Variants in SLIT1 observed in about 807,000 individuals in gnomAD.
SLIT1 encodes the protein slit homolog 1 protein.
A neutral mutation model predicts 186.1 loss-of-function variants in SLIT1; 66 were observed. The ratio of observed to expected loss-of-function variants is 0.35; its 90% CI spans 0.29 to 0.44. SLIT1 has a LOEUF of 0.44. Ranked by LOEUF, SLIT1 falls within the 20% of genes least tolerant of loss-of-function variation. SLIT1 has a pLI of 1.00. For synonymous variants in SLIT1, 761 were observed against 833.8 expected (o/e 0.91, Z 1.50); for missense variants, 1,638 against 2,037.4 (o/e 0.80, Z 3.77).
intron 25 of SLIT1, among the ~76,000 whole-genome samples, chr10:97,029,887 C>T (rs1232467574): frequency 3.9e-5 from 6 of 152,188 alleles, no homozygotes; most frequent in African/African-American, 9.7e-5. Context: ...ATACAATATT[C>T]GTCCTCTTGT....
chr10:97,125,565 G>C (rs113254050), intron 4 of SLIT1, among the ~76,000 whole-genome samples: 8 of 150,702 alleles, frequency 5.3e-5, no homozygotes, highest in African/African-American at 2.0e-4. Context: ...TAGGCCGGGC[G>C]CAGTGGCTCA....
chr10:97,082,321 A>G (rs1473034296), intron 4 of SLIT1, among the ~76,000 whole-genome samples: 1 of 152,188 alleles, frequency 6.6e-6, no homozygotes. Context: ...GGTGGTGGTG[A>G]TGATAGTGGT....
intron 4 of SLIT1, among the ~76,000 whole-genome samples, chr10:97,133,016 C>T (rs1436719836): frequency 6.6e-6 from 1 of 152,136 alleles, no homozygotes; most frequent in Non-Finnish European, 1.5e-5. Context: ...GCTAACGTCC[C>T]CCAGTCATAA....
chr10:97,134,491 C>G (rs895194296), intron 4 of SLIT1, among the ~76,000 whole-genome samples: 1 of 152,114 alleles, frequency 6.6e-6, no homozygotes, highest in Non-Finnish European at 1.5e-5. Flanking sequence ...TTATGCCGGC[C>G]GAGTCTCCAT....
intron 4 of SLIT1, among the ~76,000 whole-genome samples, chr10:97,141,455 T>TC (rs1849756929): frequency 6.6e-6 from 1 of 152,028 alleles, no homozygotes; most frequent in African/African-American, 2.4e-5. Flanking sequence ...TTAGCCACCC[T>TC]CCTCCAAGCA....
chr10:97,141,671 T>TGTATTGTATCGTATC (rs1317197275), intron 4 of SLIT1, among the ~76,000 whole-genome samples: 2 of 134,980 alleles, frequency 1.5e-5, no homozygotes, highest in South Asian at 5.1e-4. Context: ...TGCATTGCAT[T>TGTATTGTATCGTATC]GTATCGTATT....
intron 23 of SLIT1, 106 bp from the exon 24 acceptor site, chr10:97,031,783 G>T: frequency 1.2e-6 from 1 of 865,918 alleles, no homozygotes; most frequent in South Asian, 1.7e-5. Context: ...CAGCCTCCTC[G>T]GGCTCTGTGA....
At chr10:97,046,905 G>T in intron 17 of SLIT1, 86 bp downstream of exon 17, 4 of 1,566,646 alleles carry the variant, frequency 2.6e-6, no homozygotes, top group South Asian at 2.3e-5. Flanking sequence ...GCCCCCCGCC[G>T]TGGGAGCTGC....
At chr10:97,082,364 C>T (rs1210111250) in intron 4 of SLIT1, among the ~76,000 whole-genome samples, 1 of 152,114 alleles carries the variant, frequency 6.6e-6, no homozygotes, top group Non-Finnish European at 1.5e-5. Context: ...TTACTATGTG[C>T]CTGGCACTGT....
At chr10:97,060,023 G>A in intron 10 of SLIT1, 64 bp downstream of exon 10, 3 of 1,401,500 alleles carry the variant, frequency 2.1e-6, no homozygotes, top group South Asian at 2.3e-5. Flanking sequence ...CCAGGGCTGT[G>A]GGACCACCCA....
chr10:97,167,246 C>A (rs554454023), intron 1 of SLIT1, among the ~76,000 whole-genome samples: 3 of 152,302 alleles, frequency 2.0e-5, no homozygotes, highest in East Asian at 3.9e-4. Flanking sequence ...CCCGAAACAG[C>A]CACTCTGAGC....
chr10:97,110,713 C>A (rs1314305022), intron 4 of SLIT1, among the ~76,000 whole-genome samples: 2 of 152,100 alleles, frequency 1.3e-5, no homozygotes, highest in Non-Finnish European at 2.9e-5. Flanking sequence ...GAGAGGTTCC[C>A]TCTGGAGCTG....
chr10:97,140,372 T>G (rs1405957345), intron 4 of SLIT1, among the ~76,000 whole-genome samples: 1 of 152,130 alleles, frequency 6.6e-6, no homozygotes, highest in East Asian at 1.9e-4. Context: ...CTTCGAATTG[T>G]GAAATATTTC....
intron 13 of SLIT1, among the ~76,000 whole-genome samples, chr10:97,051,420 C>A (rs1330776935): frequency 6.6e-6 from 1 of 152,130 alleles, no homozygotes; most frequent in Non-Finnish European, 1.5e-5. Context: ...TAATACACCA[C>A]TGGTGGGAAT....
chr10:97,060,904 G>T, intron 8 of SLIT1, 117 bp from the exon 9 acceptor site: 1 of 1,089,906 alleles, frequency 9.2e-7, no homozygotes, highest in Non-Finnish European at 1.3e-6. Context: ...CGATAAGGAT[G>T]AACCAGAGGG....
chr10:97,154,120 G>A (rs980791675), intron 4 of SLIT1: 2 of 152,242 alleles, frequency 1.3e-5, no homozygotes, highest in African/African-American at 2.4e-5. Flanking sequence ...AATGGGGCAG[G>A]GCGGATGCGT....
At chr10:97,038,001 C>T (rs536551001) in intron 21 of SLIT1, among the ~76,000 whole-genome samples, 1 of 152,270 alleles carries the variant, frequency 6.6e-6, no homozygotes, top group African/African-American at 2.4e-5. Flanking sequence ...TGGCCTCTCT[C>T]GGTTCCCTTC....
At chr10:97,015,430 T>A (rs923958087) in intron 28 of SLIT1, among the ~76,000 whole-genome samples, 6 of 152,342 alleles carry the variant, frequency 3.9e-5, no homozygotes, top group South Asian at 4.1e-4. Context: ...CTGTGGAGAT[T>A]TGGCATAAAA....
At chr10:97,061,199 C>A (rs537301744) in intron 8 of SLIT1, among the ~76,000 whole-genome samples, 5 of 152,370 alleles carry the variant, frequency 3.3e-5, no homozygotes, top group African/African-American at 1.2e-4. Flanking sequence ...AAGTGCACTA[C>A]ATGCAGCATT....
Sources: allele counts gnomAD v4.1 joint callset (sites outside exome capture counted in the v4.1 genomes callset), GRCh38; gene constraint gnomAD v4.1.1; transcripts MANE v1.5; gene names NCBI Gene and HGNC (gene_info 2026-07-23, HGNC 2026-07-21).